The following SCUBE2 variants were observed in gnomAD, a reference collection of about 807,000 sequenced individuals.
SCUBE2 encodes signal peptide, CUB and EGF-like domain-containing protein 2.
Under a neutral mutation model 125.9 loss-of-function variants are expected in SCUBE2, and 114 were observed. That is an observed-to-expected ratio of 0.91 (90% confidence interval 0.78 to 1.06). The LOEUF (loss-of-function observed/expected upper bound fraction) is 1.06, where lower values mean the gene tolerates loss of function less well. Among genes scored for constraint, SCUBE2 ranks in the 50% least tolerant of loss-of-function variants. The pLI is 0.00. For missense variants in SCUBE2, 1,255 were observed against 1,301.8 expected (o/e 0.96, Z 0.55); for synonymous variants, 459 against 492.9 (o/e 0.93, Z 0.91).
At chr11:9,036,607 G>C (rs1184838841) in intron 16 of SCUBE2, among the ~76,000 whole-genome samples, 1 of 152,228 alleles carries the variant, frequency 6.6e-6, no homozygotes, top group Non-Finnish European at 1.5e-5. Context: ...TGGTGACAAT[G>C]ATTCCAACAG....
intron 9 of SCUBE2, among the ~76,000 whole-genome samples, chr11:9,058,595 CAAAAAAAAAAAAAAAAAAAAAA>C (rs61409328): frequency 0.035 from 1,573 of 44,538 alleles, 92 homozygotes; most frequent in African/African-American, 0.13. Context: ...GACTCTGTCT[CAAAAAAAAAAAAAAAAAAAAAA>C]AAAAAAAAAA....
At chr11:9,078,379 GAGA>G (rs1484003170) in intron 3 of SCUBE2, among the ~76,000 whole-genome samples, 1 of 152,214 alleles carries the variant, frequency 6.6e-6, no homozygotes, top group Non-Finnish European at 1.5e-5. Context: ...GGAGCTCCAG[GAGA>G]CACTGAAGTG....
chr11:9,088,214 A>G (rs1862283780), intron 2 of SCUBE2, among the ~76,000 whole-genome samples: 1 of 152,270 alleles, frequency 6.6e-6, no homozygotes, highest in Admixed American at 6.5e-5. Context: ...CTGGGTGGGC[A>G]TAGTGGCTCA....
chr11:9,074,459 A>G, intron 4 of SCUBE2, 22 bp downstream of exon 4: 1 of 1,613,652 alleles, frequency 6.2e-7, no homozygotes, highest in Middle Eastern at 1.7e-4. Flanking sequence ...CTCTGCCCCC[A>G]TCCACAGCTG....
chr11:9,049,175 A>G (rs79116522), intron 14 of SCUBE2, among the ~76,000 whole-genome samples: 1,658 of 152,350 alleles, frequency 0.011, 23 homozygotes, highest in African/African-American at 0.038. Context: ...TACATTTATC[A>G]AAACTAAGAC....
chr11:9,021,813 T>C (rs1368978846), intron 22 of SCUBE2, 63 bp downstream of exon 22: 8 of 1,264,708 alleles, frequency 6.3e-6, no homozygotes, highest in Non-Finnish European at 8.1e-6. Context: ...GGAGAAGCCT[T>C]CTCCAACAGT....
At chr11:9,025,904 A>T in intron 20 of SCUBE2, 50 bp from the exon 21 acceptor site, 1 of 1,578,860 alleles carries the variant, frequency 6.3e-7, no homozygotes, top group Non-Finnish European at 8.6e-7. Context: ...ATCACTGATC[A>T]GGCATAGAGT....
rs755164175 is a variant in SCUBE2, at chr11:9,033,679, C to T, written c.2120G>A (p.Gly707Glu). 4.3e-6 allele frequency: 7 copies of T among 1,614,150 alleles called. No homozygotes were observed. In the South Asian group the frequency reaches 7.7e-5, roughly 18 times the overall value. ...TGGGGTCTTCAGGGCCCCAGAATTT[C>T]CTGGTCTTGGGCATGGTTCACAAGT... ...QMTCEPCPRP[G>E]NSGALKTPEA... The change falls in exon 17 of 23, where the codon GGA becomes GAA. Residue 707 changes from glycine (G) to glutamate (E), a missense_variant. By Grantham distance (98) the Gly-to-Glu change is moderately conservative. Around this residue, in one of 3 missense-constraint regions of SCUBE2, gnomAD observed 515 missense variants for 515.7 expected, o/e 1.00. Coordinates refer to ENST00000649792, the MANE Select transcript of SCUBE2 (RefSeq NM_001367977.2).
Position 9,060,290 on chromosome 11 carries a change from A to G in SCUBE2, c.967+118T>C, listed in dbSNP as rs887800592. On this transcript the variant is annotated intron_variant, in intron 8 of 22. Transcript: ENST00000649792. ...AAAGCTCCCATTGATATGAATCATAAGCAAATCTCGAGTCACGTGGGGTAT... is the reference window on the plus strand; with the variant it reads ...AAAGCTCCCATTGATATGAATCATAGGCAAATCTCGAGTCACGTGGGGTAT... 8.2e-5 allele frequency: 60 copies of G among 735,540 alleles called. 1 individual carries two copies. The East Asian group carries it at 1.5e-3, about 18-fold the overall frequency. 45.6% of individuals were successfully genotyped at this position (735,540 alleles called of 1,614,324 possible). A position where few individuals can be genotyped will look rare whatever the true frequency, so the allele number is the denominator to read the frequency against.
intron 13 of SCUBE2, among the ~76,000 whole-genome samples, chr11:9,051,220 A>ACC (rs1566200548): frequency 2.6e-4 from 37 of 144,722 alleles, no homozygotes; most frequent in Middle Eastern, 3.6e-3. Flanking sequence ...CTATCTATCT[A>ACC]TCTATCTACC....
At chr11:9,043,802 A>ATTT (rs56287123) in intron 16 of SCUBE2, among the ~76,000 whole-genome samples, 1 of 140,326 alleles carries the variant, frequency 7.1e-6, no homozygotes, top group Non-Finnish European at 1.6e-5. Context: ...TAAAATGACT[A>ATTT]TTTTTTTTTT....
intron 13 of SCUBE2, among the ~76,000 whole-genome samples, chr11:9,052,072 T>C (rs181455617): frequency 1.8e-4 from 27 of 152,342 alleles, no homozygotes; most frequent in Admixed American, 8.5e-4. Context: ...ATGAGAATAA[T>C]AGTAAAATTT....
intron 10 of SCUBE2, among the ~76,000 whole-genome samples, chr11:9,054,745 T>TTTTTTTTTTTTTTTTTTTTC (rs1350882447): frequency 9.1e-6 from 1 of 110,462 alleles, no homozygotes; most frequent in Non-Finnish European, 1.8e-5. Context: ...TTTTTTTTTT[T>TTTTTTTTTTTTTTTTTTTTC]TTTTTTTCAG....
In SCUBE2 at chr11:9,028,281, G is replaced by A. The variant is rs1045838260; in HGVS notation, c.2504-720C>T. 7.2e-5 allele frequency among the ~76,000 whole-genome samples: 11 copies of A among 152,086 alleles called. No homozygotes were observed. The South Asian group carries it at 1.9e-3, about 26-fold the overall frequency. On this transcript the variant is annotated intron_variant, in intron 19 of 22. Transcript: ENST00000649792. The stretch of plus-strand genomic sequence containing the variant: ...CTGGAACTCAGGCTCAAGCTATCCC[G>A]GCCTTGTCCTCCCAAAGTGCTAGGA...
In SCUBE2 at chr11:9,033,700, C is replaced by A. The variant is rs1440504458; in HGVS notation, c.2099G>T (p.Cys700Phe). 5.0e-6 allele frequency: 8 copies of A among 1,614,030 alleles called. No individual in the cohort carries two copies. Among genetic ancestry groups the A allele is most frequent in the Non-Finnish European group, 6.8e-6 (8 of 1,180,026 alleles). The change falls in exon 17 of 23, where the codon TGT becomes TTT. Residue 700 changes from cysteine (C) to phenylalanine (F), a missense_variant. Cys to Phe is a radical substitution (Grantham distance 205). Coordinates refer to ENST00000649792, the MANE Select transcript of SCUBE2 (RefSeq NM_001367977.2). ...TFQNEEGQMTCEPCPRPGNSG... is the reference protein window; with the variant it reads ...TFQNEEGQMTFEPCPRPGNSG... ...ATTTCCTGGTCTTGGGCATGGTTCA[C>A]AAGTCATTTGTCCTTCCTCATTTTG...
intron 15 of SCUBE2, 73 bp from the exon 16 acceptor site, chr11:9,047,635 C>T (rs1857931742): frequency 9.7e-6 from 14 of 1,436,914 alleles, no homozygotes; most frequent in Non-Finnish European, 1.4e-5. Context: ...AGATCAACTG[C>T]AGGCCCTACC....
chr11:9,051,225 T>TCTACCTATCTATCTACCTAC (rs1555245379), intron 13 of SCUBE2, among the ~76,000 whole-genome samples: 2 of 132,412 alleles, frequency 1.5e-5, no homozygotes, highest in South Asian at 4.7e-4. Flanking sequence ...TATCTATCTA[T>TCTACCTATCTATCTACCTAC]CTACCTACCT....
chr11:9,036,612 C>T (rs1856776171), intron 16 of SCUBE2, among the ~76,000 whole-genome samples: 1 of 152,216 alleles, frequency 6.6e-6, no homozygotes, highest in African/African-American at 2.4e-5. Context: ...ACAATGATTC[C>T]AACAGCCCCA....
intron 5 of SCUBE2, among the ~76,000 whole-genome samples, chr11:9,067,859 A>ACC (rs544224180): frequency 7.7e-5 from 2 of 25,812 alleles, no homozygotes; most frequent in African/African-American, 2.9e-4. Context: ...ACAGGTGCCC[A>ACC]CCCCCCCGCC....
Sources: gnomAD v4.1 joint callset for allele counts (sites outside exome capture counted in the v4.1 genomes callset) on GRCh38, gnomAD v4.1.1 for gene constraint, gnomAD v4.1.1 regional missense constraint, MANE v1.5 for transcripts, NCBI Gene and HGNC (gene_info 2026-07-23, HGNC 2026-07-21) for gene names.